The following SLC6A6 variants were observed in gnomAD, a reference collection of about 807,000 sequenced individuals.
The protein encoded by SLC6A6 is solute carrier family 6 member 6, also known as sodium- and chloride-dependent taurine transporter.
A neutral mutation model predicts 68.8 loss-of-function variants in SLC6A6; 16 were observed. The ratio of observed to expected loss-of-function variants is 0.23; its 90% CI spans 0.16 to 0.35. SLC6A6 has a LOEUF of 0.35. SLC6A6 is among the 10% of genes least tolerant of loss of function. SLC6A6 has a pLI of 1.00. For missense variants in SLC6A6, 474 were observed against 802.8 expected (o/e 0.59, Z 4.95); for synonymous variants, 312 against 315.4 (o/e 0.99, Z 0.12).
At chr3:14,469,946 AG>A (rs1286284833) in intron 9 of SLC6A6, among the ~76,000 whole-genome samples, 1 of 152,198 alleles carries the variant, frequency 6.6e-6, no homozygotes, top group Non-Finnish European at 1.5e-5. Context: ...AGCAGGCCAG[AG>A]ACTGAGGACA....
intron 10 of SLC6A6, among the ~76,000 whole-genome samples, chr3:14,474,621 C>G (rs1272751612): frequency 6.6e-6 from 1 of 152,168 alleles, no homozygotes; most frequent in Non-Finnish European, 1.5e-5. Flanking sequence ...CTATTTTTAC[C>G]CTTCTTATAG....
chr3:14,450,244 C>T lies in SLC6A6; in HGVS notation c.599+2428C>T, dbSNP rs1299586880. ...GAACACTTGGGAGCAATGTGAGGTC[C>T]TCAGGTTGGCCAGTCCTCACTCACA... On this transcript the variant is annotated intron_variant, in intron 5 of 14. Coordinates refer to ENST00000622186, the MANE Select transcript of SLC6A6 (RefSeq NM_003043.6). The surrounding 1 kb of genome is among the most constrained non-coding windows in gnomAD (Gnocchi z 4.1). 1.3e-5 allele frequency among the ~76,000 whole-genome samples: 2 copies of T among 152,042 alleles called. No homozygotes were observed. Among genetic ancestry groups the T allele is most frequent in the Non-Finnish European group, 2.9e-5 (2 of 68,008 alleles).
chr3:14,463,356 C>T (rs768050670), intron 6 of SLC6A6, among the ~76,000 whole-genome samples: 13 of 152,232 alleles, frequency 8.5e-5, no homozygotes, highest in Middle Eastern at 3.2e-3. Flanking sequence ...CTGAGTGCCC[C>T]GCACAAAATC....
At chr3:14,462,025 T>G (rs1700507093) in intron 6 of SLC6A6, among the ~76,000 whole-genome samples, 1 of 152,252 alleles carries the variant, frequency 6.6e-6, no homozygotes, top group South Asian at 2.1e-4. Flanking sequence ...ACAGGGCTTT[T>G]GGGTCTAGGG....
intron 2 of SLC6A6, 112 bp from the exon 3 acceptor site, chr3:14,443,512 A>C: frequency 1.4e-6 from 1 of 712,608 alleles, no homozygotes; most frequent in Non-Finnish European, 2.4e-6. Context: ...GCCCCTTGCC[A>C]CAGGCCCGGG....
intron 2 of SLC6A6, among the ~76,000 whole-genome samples, chr3:14,430,375 A>T (rs1490135281): frequency 1.3e-5 from 2 of 151,962 alleles, no homozygotes; most frequent in African/African-American, 2.4e-5. Context: ...CTTGGGCCAC[A>T]CCACGAGTGA....
chr3:14,484,870 G>A lies in SLC6A6; in HGVS notation c.1726G>A (p.Val576Ile). Residue 576 changes from valine to isoleucine, a missense_variant, in exon 15 of 15, where the codon GTC (valine) becomes ATC (isoleucine). By Grantham distance (29) the Val-to-Ile change is conservative. This residue lies in a region of SLC6A6 where 194 missense variants were observed against 269.8 expected (regional missense o/e 0.72). Transcript: ENST00000622186. ...CQTEGPFLVR[V>I]KYLLTPREPN... ...CACTCCTGTCATCCTTCTCCAGAGA[G>A]TCAAGTACCTGCTGACCCCAAGGGA... 6.2e-7 allele frequency: 1 copy of A among 1,611,934 alleles called. No individual in the cohort carries two copies. The highest frequency in any genetic ancestry group is 8.5e-7 in the Non-Finnish European group (1 of 1,179,938).
chr3:14,466,703 C>T, intron 7 of SLC6A6, 53 bp downstream of exon 7: 1 of 1,553,356 alleles, frequency 6.4e-7, no homozygotes, highest in Non-Finnish European at 8.8e-7. Context: ...GCTGGGCCGG[C>T]ACAGGACAGG....
intron 9 of SLC6A6, among the ~76,000 whole-genome samples, chr3:14,470,296 G>C (rs1382902255): frequency 6.6e-6 from 1 of 152,196 alleles, no homozygotes; most frequent in East Asian, 1.9e-4. Context: ...CACATCAAGG[G>C]TGATTATTTC....
chr3:14,408,251 A>G (rs1699154360), intron 1 of SLC6A6, among the ~76,000 whole-genome samples: 1 of 152,224 alleles, frequency 6.6e-6, no homozygotes, highest in South Asian at 2.1e-4. Flanking sequence ...CATAAACTAA[A>G]AAGTGATCCT....
intron 2 of SLC6A6, among the ~76,000 whole-genome samples, chr3:14,435,562 A>G (rs894692868): frequency 6.6e-6 from 1 of 152,190 alleles, no homozygotes; most frequent in African/African-American, 2.4e-5. Flanking sequence ...GGGCAAAACA[A>G]TGCCTGGCTT....
intron 1 of SLC6A6, among the ~76,000 whole-genome samples, chr3:14,405,784 T>C (rs573429558): frequency 1.3e-5 from 2 of 152,246 alleles, no homozygotes; most frequent in Non-Finnish European, 2.9e-5. Context: ...AGTTGATTAA[T>C]AGACCTTGGT....
intron 12 of SLC6A6, 120 bp from the exon 13 acceptor site, chr3:14,478,965 A>G (rs745640686): frequency 5.9e-6 from 4 of 677,528 alleles, no homozygotes; most frequent in Middle Eastern, 3.9e-4. Context: ...CCACACTTGT[A>G]TATCCATGGT....
At chr3:14,419,265 C>G (rs1260680639) in intron 2 of SLC6A6, among the ~76,000 whole-genome samples, 1 of 152,190 alleles carries the variant, frequency 6.6e-6, no homozygotes, top group Non-Finnish European at 1.5e-5. Context: ...CCTGACATGG[C>G]AGGGGTGTCT....
intron 2 of SLC6A6, among the ~76,000 whole-genome samples, chr3:14,418,202 T>C (rs897558444): frequency 6.6e-6 from 1 of 152,206 alleles, no homozygotes; most frequent in Non-Finnish European, 1.5e-5. Flanking sequence ...CACTGTGGAC[T>C]CTGCTTTGGA....
Position 14,405,603 on chromosome 3 carries a change from G to C in SLC6A6, c.-54+2756G>C, listed in dbSNP as rs79472441. ...TGCTGATTCCCCACTTCTGCAGAAG[G>C]TCATGAGCAAGAGTCAGATTCTTTG... On this transcript the variant is annotated intron_variant, in intron 1 of 14. Transcript: ENST00000622186. Among the ~76,000 whole-genome samples, 446 of 152,304 alleles carry C rather than the reference G, an allele frequency of 2.9e-3. 5 individuals carry two copies. The highest frequency in any genetic ancestry group is 0.01 in the African/African-American group (423 of 41,566).
rs571362320 is a variant in SLC6A6, at chr3:14,468,493, C to T, written c.1096+281C>T. ...ACCTTAGTGTGGTCTTCCCCGCCCC[C>T]CCGTCCTTCCCCAGCAAACTCCTGG... On this transcript the variant is annotated intron_variant, in intron 9 of 14. Coordinates refer to ENST00000622186, the MANE Select transcript of SLC6A6 (RefSeq NM_003043.6). The surrounding 1 kb of genome is among the most constrained non-coding windows in gnomAD (Gnocchi z 4.5). Among the ~76,000 whole-genome samples the T allele has an allele frequency of 2.6e-5, 4 of 152,212 alleles. No homozygotes were observed. The highest frequency in any genetic ancestry group is 4.2e-4 in the South Asian group (2 of 4,812).
At chr3:14,454,233 G>A (rs1700317711) in intron 5 of SLC6A6, among the ~76,000 whole-genome samples, 1 of 152,168 alleles carries the variant, frequency 6.6e-6, no homozygotes, top group Non-Finnish European at 1.5e-5. Context: ...CAACGAAGAG[G>A]CTGCTGGAAA....
intron 1 of SLC6A6, among the ~76,000 whole-genome samples, chr3:14,406,502 T>A (rs2124890498): frequency 6.6e-6 from 1 of 152,304 alleles, no homozygotes; most frequent in Non-Finnish European, 1.5e-5. Flanking sequence ...TCTGTACCAA[T>A]GAGTCTTGCC....
Sources: allele counts gnomAD v4.1 joint callset (sites outside exome capture counted in the v4.1 genomes callset), GRCh38; gene constraint gnomAD v4.1.1; regional missense constraint gnomAD v4.1.1; non-coding constraint Gnocchi (gnomAD v3.1); transcripts MANE v1.5; gene names NCBI Gene and HGNC (gene_info 2026-07-23, HGNC 2026-07-21).